RFTN1: variants seen among roughly 807,000 people sequenced by gnomAD.
The protein encoded by RFTN1 is raftlin.
A neutral mutation model predicts 46.5 loss-of-function variants in RFTN1; 26 were observed. That is an observed-to-expected ratio of 0.56 (90% CI 0.41 to 0.78). The LOEUF (loss-of-function observed/expected upper bound fraction) is 0.78, where lower values mean the gene tolerates loss of function less well. Among genes scored for constraint, RFTN1 ranks in the 30% least tolerant of loss-of-function variants. The probability of loss-of-function intolerance (pLI) is 0.00; values close to 1 mark genes in which losing one functional copy is unlikely to be tolerated. For missense variants in RFTN1, 693 were observed against 718.7 expected, an observed-to-expected ratio of 0.96 and a Z score of 0.41; for synonymous variants, 261 against 284.2, an observed-to-expected ratio of 0.92 and a Z score of 0.82.
At position 16,385,074 on chromosome 3, in the gene RFTN1, C is replaced by T. The variant is rs2074121289; in HGVS notation, c.442-6972G>A. 6.6e-6 allele frequency among the ~76,000 whole-genome samples: 1 copy of T among 152,182 alleles called. No individual in the cohort carries two copies. Among genetic ancestry groups the T allele is most frequent in the South Asian group, 2.1e-4 (1 of 4,828 alleles). On this transcript the variant is annotated intron_variant, in intron 4 of 9. Transcript: ENST00000334133. The surrounding 1 kb of genome is among the most constrained non-coding windows in gnomAD (Gnocchi z 5.0). ...GCCCTCCCTCATAACTCACACGCCC[C>T]CGATCCGTGACAACATAGCACAGCA...
At position 16,378,067 on chromosome 3, in the gene RFTN1, A is replaced by G. The variant is rs776361949; in HGVS notation, c.477T>C (p.Val159=). 6.2e-7 allele frequency: 1 copy of G among 1,611,728 alleles called. No individual in the cohort carries two copies. Among genetic ancestry groups the G allele is most frequent in the Admixed American group, 1.7e-5 (1 of 60,002 alleles). Residue 159 remains valine, a synonymous_variant, in exon 5 of 10, where the codon GTT becomes GTC. Coordinates refer to ENST00000334133, the MANE Select transcript of RFTN1 (RefSeq NM_015150.2). ...AGGAATGGTACTGAGGTATAACACC[A>G]ACGAATTTCAGGCCCTGGCTTGCAG... ...QEAASQGLKF[V]GVIPQYHSSV... is the part of the protein sequence containing the mutation.
chr3:16,495,080 T>C (rs1372031420), intron 1 of RFTN1, among the ~76,000 whole-genome samples: 1 of 152,020 alleles, frequency 6.6e-6, no homozygotes, highest in Non-Finnish European at 1.5e-5. Flanking sequence ...TTTCAGTAAT[T>C]AAAAAAAGTC....
chr3:16,412,948 T>C (rs1575251853), intron 3 of RFTN1, among the ~76,000 whole-genome samples: 1 of 152,194 alleles, frequency 6.6e-6, no homozygotes, highest in Admixed American at 6.5e-5. Context: ...GTTGAGCCTC[T>C]GATGAGACTG....
chr3:16,389,940 C>G (rs543738694), intron 4 of RFTN1, among the ~76,000 whole-genome samples: 2 of 152,190 alleles, frequency 1.3e-5, no homozygotes, highest in Admixed American at 6.5e-5. Context: ...GATGCTTGCT[C>G]TTAGAACCTA....
rs1001506617 is a variant in RFTN1, at chr3:16,452,589, T to C, written c.146-18552A>G. 6.6e-6 allele frequency among the ~76,000 whole-genome samples: 1 copy of C among 152,226 alleles called. No individual in the cohort carries two copies. The highest frequency in any genetic ancestry group is 1.9e-4 in the East Asian group (1 of 5,206). On this transcript the variant is annotated intron_variant, in intron 2 of 9. Transcript: ENST00000334133. This position sits in a 1 kb window ranked among gnomAD's most constrained non-coding sequence, Gnocchi z 6.3. ...TTTTGTGTTTTAAGCTAAAATAAAATGTTTACAATATATACCTTTTAAAAA... is the reference window on the plus strand; with the variant it reads ...TTTTGTGTTTTAAGCTAAAATAAAACGTTTACAATATATACCTTTTAAAAA...
intron 7 of RFTN1, among the ~76,000 whole-genome samples, chr3:16,332,509 CGGTTCCCA>C (rs1426612209): frequency 6.6e-6 from 1 of 151,680 alleles, no homozygotes; most frequent in Non-Finnish European, 1.5e-5. Context: ...ATTATCTCCA[CGGTTCCCA>C]GGTTGCATGT....
At position 16,348,758 on chromosome 3, in the gene RFTN1, A is replaced by G. The variant is rs1181511253; in HGVS notation, c.1146+9174T>C. Among the ~76,000 whole-genome samples the G allele has an allele frequency of 7.9e-5, 12 of 152,034 alleles. No individual in the cohort carries two copies. Among genetic ancestry groups the G allele is most frequent in the Admixed American group, 7.2e-4 (11 of 15,272 alleles). On this transcript the variant is annotated intron_variant, in intron 7 of 9. Coordinates refer to ENST00000334133, the MANE Select transcript of RFTN1 (RefSeq NM_015150.2). This position sits in a 1 kb window ranked among gnomAD's most constrained non-coding sequence, Gnocchi z 6.3. ...TATGGAACCCCTAATCACCATCTCA[A>G]GTGGTTCTTTCTCATTTTTTATGTA...
chr3:16,474,044 G>A lies in RFTN1; in HGVS notation c.145+19681C>T, dbSNP rs1256613174. On this transcript the variant is annotated intron_variant, in intron 2 of 9. Coordinates refer to ENST00000334133, the MANE Select transcript of RFTN1 (RefSeq NM_015150.2). The surrounding 1 kb of genome is among the most constrained non-coding windows in gnomAD (Gnocchi z 5.5). The stretch of plus-strand genomic sequence containing the variant: ...TCATTTTGCAGATGAAGGAATGAAG[G>A]TTCAAAGGAATTCTTTACATCATTC... Among the ~76,000 whole-genome samples, 1 of 152,170 alleles carries A rather than the reference G, an allele frequency of 6.6e-6. No homozygotes were observed. The highest frequency in any genetic ancestry group is 2.4e-5 in the African/African-American group (1 of 41,428).
chr3:16,475,011 G>A lies in RFTN1; in HGVS notation c.145+18714C>T, dbSNP rs1013732649. Among the ~76,000 whole-genome samples, 2 of 152,186 alleles carry A rather than the reference G, an allele frequency of 1.3e-5. No homozygotes were observed. Among genetic ancestry groups the A allele is most frequent in the African/African-American group, 4.8e-5 (2 of 41,436 alleles). The stretch of plus-strand genomic sequence containing the variant: ...CTAGTGGGAGGTGTTTGGGTCATAG[G>A]GGCGGATCCCTCACGAAAGGCTTGC... On this transcript the variant is annotated intron_variant, in intron 2 of 9. Transcript: ENST00000334133. The surrounding 1 kb of genome is among the most constrained non-coding windows in gnomAD (Gnocchi z 4.2).
intron 2 of RFTN1, among the ~76,000 whole-genome samples, chr3:16,441,299 T>TAAAAAAAAAAAAAAAAAAAAAA (rs59877269): frequency 6.3e-5 from 3 of 47,542 alleles, no homozygotes; most frequent in African/African-American, 6.6e-5. Flanking sequence ...TTCCAAGAAC[T>TAAAAAAAAAAAAAAAAAAAAAA]AAAAAAAAAA....
chr3:16,357,069 C>T (rs377593600), intron 7 of RFTN1, among the ~76,000 whole-genome samples: 11 of 150,110 alleles, frequency 7.3e-5, no homozygotes, highest in Admixed American at 2.0e-4. Context: ...GAGCCAAGAT[C>T]GCGCCACTGC....
At chr3:16,403,282 C>T (rs2074651196) in intron 4 of RFTN1, among the ~76,000 whole-genome samples, 1 of 151,982 alleles carries the variant, frequency 6.6e-6, no homozygotes, top group Admixed American at 6.6e-5. Context: ...CTGGGTCCAA[C>T]AGGCTGGGTT....
In RFTN1 at chr3:16,473,609, G is replaced by T. The variant is rs1306932940; in HGVS notation, c.145+20116C>A. 2.0e-5 allele frequency among the ~76,000 whole-genome samples: 3 copies of T among 152,070 alleles called. No individual in the cohort carries two copies. The highest frequency in any genetic ancestry group is 4.4e-5 in the Non-Finnish European group (3 of 67,968). ...TTTAGTAGAAACGGAGTTTCACCGT[G>T]TTGCCCAGGCTGGTCTGGAACTCCT... On this transcript the variant is annotated intron_variant, in intron 2 of 9. Coordinates refer to ENST00000334133, the MANE Select transcript of RFTN1 (RefSeq NM_015150.2). The surrounding 1 kb of genome is among the most constrained non-coding windows in gnomAD (Gnocchi z 5.3).
Position 16,428,530 on chromosome 3 carries a change from G to T in RFTN1, c.332+5321C>A, listed in dbSNP as rs1053961461. On this transcript the variant is annotated intron_variant, in intron 3 of 9. Coordinates refer to ENST00000334133, the MANE Select transcript of RFTN1 (RefSeq NM_015150.2). The surrounding 1 kb of genome is among the most constrained non-coding windows in gnomAD (Gnocchi z 4.7). Reference sequence around the variant, plus strand: ...ATTGCAGCCTCTGCATTAACTACAGGTCCTCTGTGTGCCCCCACCCTAATC... The same window carrying T: ...ATTGCAGCCTCTGCATTAACTACAGTTCCTCTGTGTGCCCCCACCCTAATC... Among the ~76,000 whole-genome samples the T allele has an allele frequency of 1.3e-5, 2 of 152,124 alleles. No individual in the cohort carries two copies. Among genetic ancestry groups the T allele is most frequent in the African/African-American group, 4.8e-5 (2 of 41,406 alleles).
At chr3:16,406,168 C>T (rs1021214091) in intron 4 of RFTN1, among the ~76,000 whole-genome samples, 4 of 152,126 alleles carry the variant, frequency 2.6e-5, no homozygotes, top group Admixed American at 6.6e-5. Context: ...TGGAGAGGTA[C>T]GTGGAATTGT....
chr3:16,424,514 C>G lies in RFTN1; in HGVS notation c.332+9337G>C, dbSNP rs948343275. Among the ~76,000 whole-genome samples, 1 of 152,140 alleles carries G rather than the reference C, an allele frequency of 6.6e-6. No individual in the cohort carries two copies. The highest frequency in any genetic ancestry group is 1.5e-5 in the Non-Finnish European group (1 of 68,032). ...AAACATACAGGAACAAAGCAAAGTG[C>G]TCTCAGACTCTCAGAAACAGGTGTT... On this transcript the variant is annotated intron_variant, in intron 3 of 9. Coordinates refer to ENST00000334133, the MANE Select transcript of RFTN1 (RefSeq NM_015150.2). The surrounding 1 kb of genome is among the most constrained non-coding windows in gnomAD (Gnocchi z 4.7).
At chr3:16,375,359 G>A (rs1209541539) in intron 5 of RFTN1, among the ~76,000 whole-genome samples, 1 of 151,934 alleles carries the variant, frequency 6.6e-6, no homozygotes, top group African/African-American at 2.4e-5. Context: ...CTCAAGCTGT[G>A]ATAAAGAAAT....
At chr3:16,419,232 C>T (rs1387556491) in intron 3 of RFTN1, among the ~76,000 whole-genome samples, 2 of 152,178 alleles carry the variant, frequency 1.3e-5, no homozygotes, top group South Asian at 2.1e-4. Context: ...ACTGTTAGAA[C>T]GAGTCTGTGA....
intron 2 of RFTN1, among the ~76,000 whole-genome samples, chr3:16,478,191 G>C (rs570054109): frequency 5.9e-5 from 9 of 152,298 alleles, no homozygotes; most frequent in African/African-American, 1.9e-4. Flanking sequence ...AGTGACTTGA[G>C]AGTGTCACAA....
Sources: allele counts gnomAD v4.1 joint callset (sites outside exome capture counted in the v4.1 genomes callset), GRCh38; gene constraint gnomAD v4.1.1; non-coding constraint Gnocchi (gnomAD v3.1); transcripts MANE v1.5; gene names NCBI Gene and HGNC (gene_info 2026-07-23, HGNC 2026-07-21).